Variants in PTPRD observed in about 807,000 individuals in gnomAD.
PTPRD encodes the protein protein tyrosine phosphatase receptor type D.
PTPRD carries 34 observed loss-of-function variants against 214.5 expected under a neutral mutation model. That is an observed-to-expected ratio of 0.16 (90% confidence interval 0.12 to 0.21). The LOEUF is 0.21. Among genes scored for constraint, PTPRD ranks in the 10% least tolerant of loss-of-function variants. PTPRD has a pLI of 1.00. For missense variants in PTPRD, 2,545 were observed against 2,398.7 expected, an observed-to-expected ratio of 1.06 and a Z score of -1.27; for synonymous variants, 1,128 against 845.7, an observed-to-expected ratio of 1.33 and a Z score of -5.79.
At chr9:10,491,855 C>T (rs747635462) in intron 2 of PTPRD, among the ~76,000 whole-genome samples, 1 of 151,986 alleles carries the variant, frequency 6.6e-6, no homozygotes, top group African/African-American at 2.4e-5. Flanking sequence ...TAATGCTCTC[C>T]CTCTCCTAGT....
At chr9:10,274,096 C>T (rs2094555390) in intron 3 of PTPRD, among the ~76,000 whole-genome samples, 1 of 152,080 alleles carries the variant, frequency 6.6e-6, no homozygotes, top group Non-Finnish European at 1.5e-5. Flanking sequence ...AATGAAAGCT[C>T]TGCCCACCAG....
intron 10 of PTPRD, among the ~76,000 whole-genome samples, chr9:9,145,568 C>T (rs977321571): frequency 6.6e-6 from 1 of 151,942 alleles, no homozygotes; most frequent in Non-Finnish European, 1.5e-5. Flanking sequence ...CTCCTCACCC[C>T]CAACCCGAAT....
intron 8 of PTPRD, among the ~76,000 whole-genome samples, chr9:9,545,898 G>C (rs1479210752): frequency 2.6e-5 from 4 of 151,636 alleles, no homozygotes; most frequent in Admixed American, 6.6e-5. Flanking sequence ...AAAACAACTT[G>C]AATATATTGA....
intron 4 of PTPRD, among the ~76,000 whole-genome samples, chr9:10,029,348 C>T (rs2097002830): frequency 1.3e-5 from 2 of 152,156 alleles, no homozygotes; most frequent in South Asian, 4.1e-4. Flanking sequence ...CACCATCCTC[C>T]AGACCCCAGA....
intron 3 of PTPRD, among the ~76,000 whole-genome samples, chr9:10,295,719 T>C (rs1362867159): frequency 6.6e-6 from 1 of 152,098 alleles, no homozygotes; most frequent in African/African-American, 2.4e-5. Flanking sequence ...AATTAAAGTA[T>C]GAACTTTATG....
chr9:9,611,723 A>G (rs928653471), intron 7 of PTPRD, among the ~76,000 whole-genome samples: 2 of 152,282 alleles, frequency 1.3e-5, no homozygotes, highest in East Asian at 1.9e-4. Flanking sequence ...CTGATGACAC[A>G]TGTATATTTA....
chr9:8,428,893 G>A (rs1259496903), intron 35 of PTPRD, among the ~76,000 whole-genome samples: 1 of 152,210 alleles, frequency 6.6e-6, no homozygotes, highest in Non-Finnish European at 1.5e-5. Context: ...TGTGGCACAT[G>A]TGGTCAAATA....
rs1400709702 is a variant in PTPRD, at chr9:8,727,902, G to C, written c.64+5878C>G. On this transcript the variant is annotated intron_variant, in intron 12 of 45. Coordinates refer to ENST00000381196, the MANE Select transcript of PTPRD (RefSeq NM_002839.4). ...CCCATTTAAAGTATACAATTCAATG[G>C]TATTTAGTATATTATGTTTATACTC... Among the ~76,000 whole-genome samples, 9 of 152,210 alleles carry C rather than the reference G, an allele frequency of 5.9e-5. No homozygotes were observed. In the East Asian group the frequency reaches 1.5e-3, roughly 26 times the overall value.
intron 9 of PTPRD, among the ~76,000 whole-genome samples, chr9:9,309,764 C>G (rs533965574): frequency 2.6e-5 from 4 of 152,308 alleles, no homozygotes; most frequent in East Asian, 3.9e-4. Context: ...GCCACAGCAT[C>G]TTAGGTAGTA....
chr9:10,509,580 T>TATATATATATATATATATATA (rs1491395020), intron 2 of PTPRD, among the ~76,000 whole-genome samples: 98 of 134,916 alleles, frequency 7.3e-4, no homozygotes, highest in South Asian at 1.4e-3. Context: ...TATATATATA[T>TATATATATATATATATATATA]TTTACTCACT....
intron 5 of PTPRD, among the ~76,000 whole-genome samples, chr9:9,794,315 A>G (rs2098987824): frequency 6.6e-6 from 1 of 152,024 alleles, no homozygotes; most frequent in African/African-American, 2.4e-5. Context: ...TTACCAAGAA[A>G]TGACATAAGG....
intron 5 of PTPRD, among the ~76,000 whole-genome samples, chr9:9,845,948 A>G (rs968370995): frequency 6.6e-6 from 1 of 152,114 alleles, no homozygotes; most frequent in African/African-American, 2.4e-5. Flanking sequence ...TCAAAGAAAA[A>G]GCAACAGTTT....
At chr9:9,825,938 T>A (rs1465850974) in intron 5 of PTPRD, among the ~76,000 whole-genome samples, 1 of 151,778 alleles carries the variant, frequency 6.6e-6, no homozygotes, top group East Asian at 1.9e-4. Context: ...TATTTCTTGG[T>A]ACTAATAATT....
chr9:10,371,632 T>C (rs1273993514), intron 2 of PTPRD, among the ~76,000 whole-genome samples: 1 of 152,148 alleles, frequency 6.6e-6, no homozygotes, highest in South Asian at 2.1e-4. Flanking sequence ...CAACTCTCCC[T>C]CTTGTCACAC....
At chr9:10,199,865 A>G (rs1440153927) in intron 3 of PTPRD, among the ~76,000 whole-genome samples, 1 of 151,458 alleles carries the variant, frequency 6.6e-6, no homozygotes, top group Non-Finnish European at 1.5e-5. Flanking sequence ...CAATACCAAC[A>G]TAACTACCAC....
chr9:8,467,737 GATGA>G (rs1360538932), intron 31 of PTPRD, among the ~76,000 whole-genome samples: 1 of 151,742 alleles, frequency 6.6e-6, no homozygotes, highest in Non-Finnish European at 1.5e-5. Flanking sequence ...CATCAAGGCA[GATGA>G]ATGTATTATT....
chr9:10,277,618 G>C (rs747690815), intron 3 of PTPRD, among the ~76,000 whole-genome samples: 2 of 152,054 alleles, frequency 1.3e-5, no homozygotes, highest in Non-Finnish European at 2.9e-5. Context: ...TGTATTCGAG[G>C]GTTAACTTTC....
rs540673689 is a variant in PTPRD at position 10,097,489 on chromosome 9, T to G, written c.-544-63699A>C. Among the ~76,000 whole-genome samples, 415 of 151,738 alleles carry G rather than the reference T, an allele frequency of 2.7e-3. 3 individuals carry two copies. The highest frequency in any genetic ancestry group is 4.8e-3 in the Non-Finnish European group (325 of 67,918). On this transcript the variant is annotated intron_variant, in intron 3 of 45. Transcript: ENST00000381196. The stretch of plus-strand genomic sequence containing the variant: ...AGTTGAATTCCTAGGTATTTTATTC[T>G]CTTTGAAGCAATTGTGAATGGGAGT...
intron 5 of PTPRD, among the ~76,000 whole-genome samples, chr9:9,870,719 T>A (rs185610953): frequency 6.6e-6 from 1 of 152,024 alleles, no homozygotes; most frequent in Non-Finnish European, 1.5e-5. Context: ...GAGGATGAAG[T>A]GTACTGATGT....
Sources: gnomAD v4.1 joint callset for allele counts (sites outside exome capture counted in the v4.1 genomes callset) on GRCh38, gnomAD v4.1.1 for gene constraint, MANE v1.5 for transcripts, NCBI Gene and HGNC (gene_info 2026-07-23, HGNC 2026-07-21) for gene names.